Variants in VTI1A observed in about 807,000 individuals in gnomAD.
The protein encoded by VTI1A is vesicle transport through interaction with t-SNAREs 1A, also known as vesicle transport through interaction with t-SNAREs homolog 1A.
A neutral mutation model predicts 34.9 loss-of-function variants in VTI1A; 22 were observed. The ratio of observed to expected loss-of-function variants is 0.63; its 90% confidence interval spans 0.45 to 0.90. The LOEUF is 0.90. Ranked by LOEUF, VTI1A falls within the 40% of genes least tolerant of loss-of-function variation. The probability of loss-of-function intolerance (pLI) is 0.00; values close to 1 mark genes in which losing one functional copy is unlikely to be tolerated. For synonymous variants in VTI1A, 87 were observed against 97.3 expected (o/e 0.89, Z 0.62); for missense variants, 268 against 275.6 (o/e 0.97, Z 0.20).
At chr10:112,471,067 C>T (rs1466880580) in intron 3 of VTI1A, among the ~76,000 whole-genome samples, 1 of 152,112 alleles carries the variant, frequency 6.6e-6, no homozygotes, top group East Asian at 1.9e-4. Flanking sequence ...AAATCTCCAG[C>T]TTTTCAGAGC....
intron 5 of VTI1A, among the ~76,000 whole-genome samples, chr10:112,632,316 T>C (rs1299158404): frequency 6.6e-6 from 1 of 152,208 alleles, no homozygotes; most frequent in Non-Finnish European, 1.5e-5. Context: ...ACAAAGTATT[T>C]TTGTGTGGCT....
At chr10:112,805,907 C>T (rs1853057957) in intron 7 of VTI1A, among the ~76,000 whole-genome samples, 1 of 152,208 alleles carries the variant, frequency 6.6e-6, no homozygotes, top group Non-Finnish European at 1.5e-5. Context: ...TGAAGCCGCC[C>T]AGTCTGTGGG....
chr10:112,604,935 G>A (rs903725065), intron 5 of VTI1A, among the ~76,000 whole-genome samples: 12 of 152,054 alleles, frequency 7.9e-5, no homozygotes, highest in African/African-American at 2.9e-4. Context: ...ATATAATTCT[G>A]TACATCTATC....
intron 7 of VTI1A, among the ~76,000 whole-genome samples, chr10:112,773,506 C>T (rs1393535647): frequency 6.6e-6 from 1 of 152,202 alleles, no homozygotes; most frequent in Non-Finnish European, 1.5e-5. Context: ...AGCCCCATTC[C>T]TCCATCCAGA....
In VTI1A at chr10:112,767,198, C is replaced by G. The variant is rs1851675673; in HGVS notation, c.561-48092C>G. ...ACTGTGTGTCAGGTACTGTGCTAAGCTCTTATATGTGTTAGCGCATTTTAA... is the reference window on the plus strand; with the variant it reads ...ACTGTGTGTCAGGTACTGTGCTAAGGTCTTATATGTGTTAGCGCATTTTAA... On this transcript the variant is annotated intron_variant, in intron 7 of 7. Transcript: ENST00000393077. The surrounding 1 kb of genome is among the most constrained non-coding windows in gnomAD (Gnocchi z 4.0). Among the ~76,000 whole-genome samples, 3 of 152,130 alleles carry G rather than the reference C, an allele frequency of 2.0e-5. No homozygotes were observed. Among genetic ancestry groups the G allele is most frequent in the Non-Finnish European group, 4.4e-5 (3 of 68,040 alleles).
At chr10:112,543,993 G>A (rs1388922703) in intron 5 of VTI1A, among the ~76,000 whole-genome samples, 1 of 152,114 alleles carries the variant, frequency 6.6e-6, no homozygotes, top group Non-Finnish European at 1.5e-5. Context: ...GATTGTAGAT[G>A]TGTGGTATTA....
intron 7 of VTI1A, among the ~76,000 whole-genome samples, chr10:112,717,232 C>T (rs1216172666): frequency 3.3e-5 from 5 of 152,218 alleles, no homozygotes; most frequent in Non-Finnish European, 5.9e-5. Flanking sequence ...AGGTCATGGC[C>T]TGAAAGGCTT....
In VTI1A at chr10:112,568,463, C is replaced by T. The variant is rs573805983; in HGVS notation, c.427+30133C>T. On this transcript the variant is annotated intron_variant, in intron 5 of 7. Coordinates refer to ENST00000393077, the MANE Select transcript of VTI1A (RefSeq NM_145206.4). ...CGGAGGTTGCAGTGAGCTGAGATCG[C>T]GCCACTGCACTACAGCCTGGGCAAA... Among the ~76,000 whole-genome samples, 10 of 151,480 alleles carry T rather than the reference C, an allele frequency of 6.6e-5. No homozygotes were observed. The East Asian group carries it at 2.0e-3, about 30-fold the overall frequency.
intron 3 of VTI1A, among the ~76,000 whole-genome samples, chr10:112,502,175 A>T (rs1186497933): frequency 1.3e-5 from 2 of 151,682 alleles, no homozygotes; most frequent in African/African-American, 4.8e-5. Context: ...CCACAGGTGC[A>T]TGCCACCACA....
chr10:112,841,688 C>T, the VTI1A span, among the ~76,000 whole-genome samples: 1 of 152,202 alleles, frequency 6.6e-6, no homozygotes, highest in South Asian at 2.1e-4. Flanking sequence ...CAGTCACAGC[C>T]ACTTTCAGAG....
intron 3 of VTI1A, among the ~76,000 whole-genome samples, chr10:112,518,952 A>G (rs1849910752): frequency 6.6e-6 from 1 of 151,984 alleles, no homozygotes; most frequent in African/African-American, 2.4e-5. Flanking sequence ...GTAACCGTCA[A>G]AATGTTTTCA....
At chr10:112,839,271 G>A in the VTI1A span, among the ~76,000 whole-genome samples, 28 of 152,202 alleles carry the variant, frequency 1.8e-4, no homozygotes, top group Admixed American at 4.6e-4. Context: ...GCAAGCAATC[G>A]TGAGCCCTTG....
intron 3 of VTI1A, 86 bp from the exon 4 acceptor site, chr10:112,527,001 G>C (rs1038905063): frequency 1.3e-5 from 17 of 1,357,324 alleles, no homozygotes; most frequent in Non-Finnish European, 1.7e-5. Context: ...CTCGAGGTTT[G>C]AGATCAGCCT....
intron 7 of VTI1A, among the ~76,000 whole-genome samples, chr10:112,753,482 GGTTATT>G (rs1178118238): frequency 6.6e-5 from 10 of 151,914 alleles, no homozygotes; most frequent in African/African-American, 2.4e-4. Flanking sequence ...TTCCCTCCAG[GGTTATT>G]GTTTGCTCTT....
chr10:112,565,652 G>A (rs958776547), intron 5 of VTI1A, among the ~76,000 whole-genome samples: 1 of 152,088 alleles, frequency 6.6e-6, no homozygotes, highest in African/African-American at 2.4e-5. Context: ...CATAGGCTGC[G>A]CCATTGAGCC....
chr10:112,772,741 T>C (rs999565906), intron 7 of VTI1A, among the ~76,000 whole-genome samples: 12 of 152,246 alleles, frequency 7.9e-5, no homozygotes, highest in African/African-American at 2.9e-4. Flanking sequence ...GTTCCAACTG[T>C]CTTCTTTTGC....
chr10:112,642,665 G>A (rs958576401), intron 5 of VTI1A, among the ~76,000 whole-genome samples: 3 of 152,092 alleles, frequency 2.0e-5, no homozygotes, highest in Admixed American at 2.0e-4. Flanking sequence ...GTGAGGCATT[G>A]TATGGAGGGA....
intron 5 of VTI1A, among the ~76,000 whole-genome samples, chr10:112,617,173 G>A (rs1845540696): frequency 3.9e-5 from 6 of 152,086 alleles, no homozygotes; most frequent in Admixed American, 3.3e-4. Flanking sequence ...TAAACAGATG[G>A]CAAATTAGAT....
intron 7 of VTI1A, among the ~76,000 whole-genome samples, chr10:112,694,993 CA>C (rs1464064309): frequency 6.6e-6 from 1 of 151,662 alleles, no homozygotes; most frequent in Admixed American, 6.6e-5. Flanking sequence ...AAATAAATAG[CA>C]AATGTTCCAA....
Sources: allele counts gnomAD v4.1 joint callset (sites outside exome capture counted in the v4.1 genomes callset), GRCh38; gene constraint gnomAD v4.1.1; non-coding constraint Gnocchi (gnomAD v3.1); transcripts MANE v1.5; gene names NCBI Gene and HGNC (gene_info 2026-07-23, HGNC 2026-07-21).